Variants in RCCD1 observed in about 807,000 individuals in gnomAD.
RCCD1 encodes RCC1 domain containing 1, also known as RCC1 domain-containing protein 1.
Under a neutral mutation model 37.6 loss-of-function variants are expected in RCCD1, and 40 were observed. That is an observed-to-expected ratio of 1.06 (90% confidence interval 0.83 to 1.39). RCCD1 has a LOEUF of 1.39. Among genes scored for constraint, RCCD1 ranks in the 40% most tolerant of loss-of-function variants. The pLI, the probability that RCCD1 is intolerant of heterozygous loss-of-function variation, is 0.00. For missense variants in RCCD1, 577 were observed against 517.3 expected, an observed-to-expected ratio of 1.12 and a Z score of -1.12; for synonymous variants, 263 against 230.0, an observed-to-expected ratio of 1.14 and a Z score of -1.30.
rs1442996520 is a variant in RCCD1 at position 90,961,928 on chromosome 15, A to G, written c.*159A>G. ...CTAAACTTGTCTGCACTTTAGAAACACCTGGAGAGCATTGAAAACTCTGCT... is the reference window on the plus strand; with the variant it reads ...CTAAACTTGTCTGCACTTTAGAAACGCCTGGAGAGCATTGAAAACTCTGCT... On this transcript the variant is annotated 3_prime_UTR_variant, in exon 8 of 8. Transcript: ENST00000394258. 1.8e-6 allele frequency: 1 copy of G among 561,392 alleles called. No individual in the cohort carries two copies. The highest frequency in any genetic ancestry group is 1.9e-5 in the African/African-American group (1 of 53,098). 34.8% of individuals were successfully genotyped at this position (561,392 alleles called of 1,614,324 possible).
At chr15:90,959,746 C>T in intron 4 of RCCD1, 154 bp from the exon 5 acceptor site, 1 of 539,384 alleles carries the variant, frequency 1.9e-6, no homozygotes. Context: ...TAAGACAAGC[C>T]CCTGGGGCCC....
In RCCD1 at chr15:90,959,360, TG is replaced by T. The variant is rs1211682498; in HGVS notation, c.680-537del. Among the ~76,000 whole-genome samples, 4 of 152,200 alleles carry T rather than the reference TG, an allele frequency of 2.6e-5. No individual in the cohort carries two copies. In the East Asian group the frequency reaches 7.7e-4, roughly 29 times the overall value. ...TTCCAACCAAAAAGCTCCAGTGTTG[TG>T]GGAGGCCAGGAAGGGGAGAGCTGCA... On this transcript the variant is annotated intron_variant, in intron 4 of 7. Coordinates refer to ENST00000394258, the MANE Select transcript of RCCD1 (RefSeq NM_001017919.2).
rs2037270916 is a variant in RCCD1 at position 90,959,510 on chromosome 15, C to CT, written c.680-386dup. ...CCATATTGCTGAGGCTAGTCTCGAACTTTTGAGCTCAAGTGATCTACCCAT... is the reference window on the plus strand; with the variant it reads ...CCATATTGCTGAGGCTAGTCTCGAACTTTTTGAGCTCAAGTGATCTACCCAT... On this transcript the variant is annotated intron_variant, in intron 4 of 7. Transcript: ENST00000394258. Among the ~76,000 whole-genome samples, 3 of 152,182 alleles carry CT rather than the reference C, an allele frequency of 2.0e-5. No individual in the cohort carries two copies. In the South Asian group the frequency reaches 6.2e-4, roughly 31 times the overall value.
intron 1 of RCCD1, 21 bp from the exon 2 acceptor site, chr15:90,956,591 G>A (rs1201086402): frequency 1.8e-5 from 14 of 783,064 alleles, no homozygotes; most frequent in African/African-American, 3.6e-5. Context: ...TCGGGAGAAT[G>A]ATAGTTTCTC....
At chr15:90,961,118 G>A in intron 7 of RCCD1, 64 bp downstream of exon 7, 1 of 1,523,116 alleles carries the variant, frequency 6.6e-7, no homozygotes, top group Non-Finnish European at 9.0e-7. Flanking sequence ...GGAGTACAGG[G>A]CAGGTGACAA....
At position 90,956,682 on chromosome 15, in the gene RCCD1, C is replaced by A. The variant is rs963657175; in HGVS notation, c.-53C>A. On this transcript the variant is annotated 5_prime_UTR_variant, in exon 2 of 8. Coordinates refer to ENST00000394258, the MANE Select transcript of RCCD1 (RefSeq NM_001017919.2). ...CCACTAGCGGGCTCTTCGCAAGAAT[C>A]CCCCCGGGCCCGCCGCAGCCAGGCG... is the stretch of plus-strand genomic sequence containing the variant. The A allele has an allele frequency of 2.5e-4, 305 of 1,239,886 alleles. 1 individual carries two copies. In the African/African-American group the frequency reaches 4.1e-3, roughly 17 times the overall value. 76.8% of individuals were successfully genotyped at this position (1,239,886 alleles called of 1,614,324 possible). A position where few individuals can be genotyped will look rare whatever the true frequency, so the allele number is the denominator to read the frequency against.
At chr15:90,956,019 C>T (rs1420494464) in intron 1 of RCCD1, 1 of 152,126 alleles carries the variant, frequency 6.6e-6, no homozygotes, top group African/African-American at 2.4e-5. Flanking sequence ...CGCACCAAAC[C>T]CTTTATTTGC....
At chr15:90,961,544 T>G in intron 7 of RCCD1, 74 bp from the exon 8 acceptor site, 1 of 1,502,850 alleles carries the variant, frequency 6.7e-7, no homozygotes, top group African/African-American at 1.4e-5. Flanking sequence ...TTTGATAGTC[T>G]GGGCCCCTTC....
chr15:90,961,016 T>C lies in RCCD1; in HGVS notation c.950-9T>C, dbSNP rs1444380551. On this transcript the variant is annotated splice_polypyrimidine_tract_variant and intron_variant, in intron 6 of 7. Coordinates refer to ENST00000394258, the MANE Select transcript of RCCD1 (RefSeq NM_001017919.2). ...TAGTGACAACTATCGATTGTCCTTT[T>C]GCTTTCAGGAACAGGGGAGCTCTAC... 12 of 1,595,544 alleles carry C rather than the reference T, an allele frequency of 7.5e-6. No individual in the cohort carries two copies. Among genetic ancestry groups the C allele is most frequent in the Admixed American group, 1.7e-5 (1 of 58,490 alleles).
chr15:90,957,784 G>T lies in RCCD1; in HGVS notation c.679+59G>T. The T allele has an allele frequency of 2.0e-6, 3 of 1,538,018 alleles. No individual in the cohort carries two copies. In the South Asian group the frequency reaches 3.8e-5, roughly 19 times the overall value. ...TGATCTTGTGCAAACCTTCCTCCTC[G>T]TTTTCCAGTTTGGGTGGGGGCCTAC... On this transcript the variant is annotated intron_variant, in intron 4 of 7. Transcript: ENST00000394258.
In RCCD1 at chr15:90,957,710, TCTG is replaced by T; in HGVS notation, c.665_667del (p.Ser222_Val223delinsLeu). On this transcript the variant is annotated inframe_deletion, in exon 4 of 8. Coordinates refer to ENST00000394258, the MANE Select transcript of RCCD1 (RefSeq NM_001017919.2). The stretch of plus-strand genomic sequence containing the variant: ...TGAGGTGGCCGCGGGGGGCTGGCAT[TCTG>T]TGTGTGTGAGTGGTGAGTGACTTAG... 6.2e-7 allele frequency: 1 copy of T among 1,611,126 alleles called. No homozygotes were observed. Among genetic ancestry groups the T allele is most frequent in the African/African-American group, 1.3e-5 (1 of 74,960 alleles).
At position 90,960,969 on chromosome 15, in the gene RCCD1, C is replaced by T. The variant is rs145742813; in HGVS notation, c.950-56C>T. 3.6e-3 allele frequency: 5,765 copies of T among 1,582,496 alleles called. 20 individuals are homozygous for T. The highest frequency in any genetic ancestry group is 4.4e-3 in the Non-Finnish European group (5,021 of 1,151,236). On this transcript the variant is annotated intron_variant, in intron 6 of 7. Coordinates refer to ENST00000394258, the MANE Select transcript of RCCD1 (RefSeq NM_001017919.2). ...GTGGGCTGTGCCAAGCTGGGCTGGACAGATGCCTTGCCAAAGAACCGTAGT... is the reference window on the plus strand; with the variant it reads ...GTGGGCTGTGCCAAGCTGGGCTGGATAGATGCCTTGCCAAAGAACCGTAGT...
At chr15:90,958,939 A>T (rs1187883612) in intron 4 of RCCD1, among the ~76,000 whole-genome samples, 1 of 91,862 alleles carries the variant, frequency 1.1e-5, no homozygotes, top group Non-Finnish European at 1.8e-5. Context: ...GTCTGTCTAA[A>T]AAAAAAAAAA....
chr15:90,961,590 G>A (rs201046865), intron 7 of RCCD1, 28 bp from the exon 8 acceptor site: 1 of 1,600,590 alleles, frequency 6.2e-7, no homozygotes. Flanking sequence ...CAGTGGAGAC[G>A]ATGGCAAAGG....
chr15:90,961,125 A>G (rs2037306872), intron 7 of RCCD1, 71 bp downstream of exon 7: 4 of 1,447,462 alleles, frequency 2.8e-6, no homozygotes, highest in South Asian at 2.4e-5. Flanking sequence ...AGGGCAGGTG[A>G]CAAAGCCAAC....
intron 6 of RCCD1, 185 bp from the exon 7 acceptor site, chr15:90,960,840 T>C: frequency 2.9e-6 from 2 of 696,200 alleles, no homozygotes; most frequent in Middle Eastern, 3.0e-4. Context: ...TCCGCCACTT[T>C]TTCCCTCGGG....
Position 90,961,997 on chromosome 15 carries a change from A to C in RCCD1, c.*228A>C. Reference sequence around the variant, plus strand: ...TCAAAACAATGAAATCAATGAAACAATGAAACCAGAGCTTCTAGGTGTGTG... The same window carrying C: ...TCAAAACAATGAAATCAATGAAACACTGAAACCAGAGCTTCTAGGTGTGTG... On this transcript the variant is annotated 3_prime_UTR_variant, in exon 8 of 8. Transcript: ENST00000394258. 1.2e-5 allele frequency: 4 copies of C among 324,124 alleles called. No homozygotes were observed. Among genetic ancestry groups the C allele is most frequent in the African/African-American group, 2.1e-5 (1 of 47,340 alleles). The allele number at this position is 324,124 out of a possible 1,614,324, so 20.1% of individuals were successfully genotyped here. A position where few individuals can be genotyped will look rare whatever the true frequency, so the allele number is the denominator to read the frequency against.
chr15:90,956,764 C>T lies in RCCD1; in HGVS notation c.30C>T (p.Phe10=). Residue 10 remains phenylalanine (F), a synonymous_variant, in exon 2 of 8, where the codon TTC becomes TTT. Coordinates refer to ENST00000394258, the MANE Select transcript of RCCD1 (RefSeq NM_001017919.2). MAEERPGAW[F]GFGFCGFGQE... Reference sequence around the variant, plus strand: ...CGGAGGAGCGGCCGGGGGCCTGGTTCGGCTTCGGTTTCTGCGGCTTCGGGC... The same window carrying T: ...CGGAGGAGCGGCCGGGGGCCTGGTTTGGCTTCGGTTTCTGCGGCTTCGGGC... 7.5e-7 allele frequency: 1 copy of T among 1,330,084 alleles called. No homozygotes were observed. The highest frequency in any genetic ancestry group is 2.3e-5 in the South Asian group (1 of 43,056). 82.4% of individuals were successfully genotyped at this position (1,330,084 alleles called of 1,614,324 possible).
rs775046601 is a variant in RCCD1, at chr15:90,957,167, A to T, written c.221A>T (p.Lys74Met). ...GSASGAAGRCKDAWASEGLLA... is the reference protein window; with the variant it reads ...GSASGAAGRCMDAWASEGLLA... ...GCCAGCGGCGCGGCGGGCCGCTGCAAGGACGCGTGGGCCTCGGAGGGGCTC... is the reference window on the plus strand; with the variant it reads ...GCCAGCGGCGCGGCGGGCCGCTGCATGGACGCGTGGGCCTCGGAGGGGCTC... Residue 74 changes from lysine to methionine, a missense_variant, in exon 3 of 8, where the codon AAG becomes ATG. Lys to Met is a moderately conservative substitution (Grantham distance 95). Transcript: ENST00000394258. 4.6e-5 allele frequency: 63 copies of T among 1,372,334 alleles called. No individual in the cohort carries two copies. The South Asian group carries it at 8.9e-4, about 19-fold the overall frequency. The allele number at this position is 1,372,334 out of a possible 1,614,324, so 85.0% of individuals were successfully genotyped here. A position where few individuals can be genotyped will look rare whatever the true frequency, so the allele number is the denominator to read the frequency against.
Sources: allele counts gnomAD v4.1 joint callset (sites outside exome capture counted in the v4.1 genomes callset), GRCh38; gene constraint gnomAD v4.1.1; transcripts MANE v1.5; gene names NCBI Gene and HGNC (gene_info 2026-07-23, HGNC 2026-07-21).